Variants in YAP1 observed in about 807,000 individuals in gnomAD.
The protein encoded by YAP1 is Yes1 associated transcriptional regulator, also known as transcriptional coactivator YAP1.
In YAP1, 5 loss-of-function variants were observed where a neutral mutation model predicts 56.9. The observed-to-expected ratio is 0.09, with a 90% CI of 0.05 to 0.18. The LOEUF (loss-of-function observed/expected upper bound fraction) is 0.18. Among genes scored for constraint, YAP1 ranks in the 10% least tolerant of loss-of-function variants. YAP1 has a pLI of 1.00. For synonymous variants in YAP1, 265 were observed against 248.1 expected, an observed-to-expected ratio of 1.07 and a Z score of -0.64; for missense variants, 539 against 651.8, an observed-to-expected ratio of 0.83 and a Z score of 1.88.
chr11:102,185,950 C>A (rs1283430123), intron 3 of YAP1, 68 bp from the exon 4 acceptor site: 11 of 1,421,708 alleles, frequency 7.7e-6, no homozygotes, highest in Non-Finnish European at 9.4e-6. Flanking sequence ...AAATTAGTAC[C>A]CCCTCCCACT....
In YAP1 at chr11:102,188,559, CTG is replaced by C. The variant is rs1948109049; in HGVS notation, c.802+2432_802+2433del. Among the ~76,000 whole-genome samples the C allele has an allele frequency of 2.0e-5, 3 of 152,192 alleles. 1 individual carries two copies. The highest frequency in any genetic ancestry group is 4.1e-4 in the South Asian group (2 of 4,832). On this transcript the variant is annotated intron_variant, in intron 4 of 8. Transcript: ENST00000282441. ...GTCGTGGTCCTATATGATTCTAATA[CTG>C]TGTTTTTACTGTAACTTTTCTATGT...
chr11:102,201,039 T>C (rs1373926352), intron 4 of YAP1, among the ~76,000 whole-genome samples: 1 of 152,206 alleles, frequency 6.6e-6, no homozygotes, highest in African/African-American at 2.4e-5. Context: ...AAATTATTTA[T>C]GCTTTCAACA....
At chr11:102,166,852 C>G (rs1467708534) in intron 3 of YAP1, among the ~76,000 whole-genome samples, 2 of 152,126 alleles carry the variant, frequency 1.3e-5, no homozygotes, top group Non-Finnish European at 2.9e-5. Context: ...GATCTTGTTC[C>G]TCATCCAACT....
At chr11:102,121,554 C>G (rs900785111) in intron 2 of YAP1, among the ~76,000 whole-genome samples, 2 of 152,182 alleles carry the variant, frequency 1.3e-5, no homozygotes, top group Admixed American at 1.3e-4. Flanking sequence ...TGTGAATCCT[C>G]TCTTTGGTCA....
At chr11:102,136,347 C>CTTTTT (rs549818441) in intron 2 of YAP1, among the ~76,000 whole-genome samples, 1 of 142,066 alleles carries the variant, frequency 7.0e-6, no homozygotes. Flanking sequence ...GCCATTTTTC[C>CTTTTT]TTTTTTTTTT....
At chr11:102,115,569 C>CT (rs1368636629) in intron 2 of YAP1, among the ~76,000 whole-genome samples, 3 of 151,456 alleles carry the variant, frequency 2.0e-5, no homozygotes, top group African/African-American at 7.3e-5. Context: ...TTTTTGCCCC[C>CT]TTTCCTGCAA....
chr11:102,141,026 TG>T (rs1300005825), intron 2 of YAP1, among the ~76,000 whole-genome samples: 30 of 152,290 alleles, frequency 2.0e-4, no homozygotes, highest in African/African-American at 7.2e-4. Flanking sequence ...GGTCCTTAGA[TG>T]TTGTTGCCTC....
At chr11:102,155,851 C>T (rs1466409715) in intron 2 of YAP1, among the ~76,000 whole-genome samples, 1 of 152,188 alleles carries the variant, frequency 6.6e-6, no homozygotes, top group African/African-American at 2.4e-5. Context: ...TCGTATGAGC[C>T]AGCCGACTGA....
intron 2 of YAP1, among the ~76,000 whole-genome samples, chr11:102,144,957 C>G (rs1188542131): frequency 1.3e-5 from 2 of 152,106 alleles, no homozygotes; most frequent in Non-Finnish European, 2.9e-5. Flanking sequence ...CCCTCCCTCT[C>G]AGCTATTTCT....
chr11:102,132,881 C>T (rs558684559), intron 2 of YAP1, among the ~76,000 whole-genome samples: 35 of 152,242 alleles, frequency 2.3e-4, no homozygotes, highest in African/African-American at 6.5e-4. Flanking sequence ...CATAGGGGCC[C>T]GGCATAGTGG....
intron 3 of YAP1, among the ~76,000 whole-genome samples, chr11:102,178,873 C>A (rs1947421240): frequency 6.6e-6 from 1 of 152,170 alleles, no homozygotes; most frequent in Admixed American, 6.5e-5. Flanking sequence ...TGGTGAGGAC[C>A]TCAGGAAGCT....
At position 102,206,074 on chromosome 11, in the gene YAP1, G is replaced by A; in HGVS notation, c.984G>A (p.Gln328=). ...LRLKQQELLR[Q]AMRNINPSTA... The stretch of plus-strand genomic sequence containing the variant: ...TGAAACAGCAAGAACTGCTTCGGCA[G>A]GTGAGGCCACAGGTTAGAAACCAGC... The change falls in exon 5 of 9, where the codon CAG becomes CAA. Residue 328 remains glutamine, a splice_region_variant and synonymous_variant. Transcript: ENST00000282441. 6.2e-7 allele frequency: 1 copy of A among 1,612,728 alleles called. No individual in the cohort carries two copies. The highest frequency in any genetic ancestry group is 8.5e-7 in the Non-Finnish European group (1 of 1,179,016).
intron 2 of YAP1, among the ~76,000 whole-genome samples, chr11:102,161,345 TACAC>T (rs34552492): frequency 0.25 from 35,071 of 140,970 alleles, 4,194 homozygotes; most frequent in African/African-American, 0.26. Flanking sequence ...GTACTTTCAC[TACAC>T]ACACACACAC....
intron 4 of YAP1, among the ~76,000 whole-genome samples, chr11:102,196,770 T>C (rs548325477): frequency 7.2e-4 from 109 of 152,220 alleles, no homozygotes; most frequent in African/African-American, 2.6e-3. Context: ...AAATTATTTC[T>C]AGGCATGATG....
At chr11:102,148,720 G>A (rs989296952) in intron 2 of YAP1, among the ~76,000 whole-genome samples, 2 of 152,124 alleles carry the variant, frequency 1.3e-5, no homozygotes, top group Admixed American at 1.3e-4. Context: ...CCTTCTGTCT[G>A]TTCTTGGTCA....
intron 2 of YAP1, among the ~76,000 whole-genome samples, chr11:102,117,497 TAAGA>T (rs924906168): frequency 1.3e-5 from 2 of 152,200 alleles, no homozygotes; most frequent in Non-Finnish European, 2.9e-5. Context: ...TTAGAAATGT[TAAGA>T]AACAACCCAG....
intron 4 of YAP1, among the ~76,000 whole-genome samples, chr11:102,199,208 A>G (rs1429890947): frequency 6.6e-6 from 1 of 152,184 alleles, no homozygotes; most frequent in Non-Finnish European, 1.5e-5. Flanking sequence ...TCAAATGGAG[A>G]TGTCAGTATT....
intron 2 of YAP1, among the ~76,000 whole-genome samples, chr11:102,123,665 A>T (rs1943837291): frequency 7.5e-6 from 1 of 133,726 alleles, no homozygotes; most frequent in African/African-American, 2.8e-5. Flanking sequence ...TTCGAGACAC[A>T]GTCTTGCTCT....
intron 2 of YAP1, among the ~76,000 whole-genome samples, chr11:102,161,695 CAATG>C (rs978839643): frequency 5.3e-5 from 8 of 152,012 alleles, no homozygotes; most frequent in Non-Finnish European, 1.0e-4. Flanking sequence ...TTCATTGAAA[CAATG>C]AAACTTTGCT....
Sources: gnomAD v4.1 joint callset for allele counts (sites outside exome capture counted in the v4.1 genomes callset) on GRCh38, gnomAD v4.1.1 for gene constraint, MANE v1.5 for transcripts, NCBI Gene and HGNC (gene_info 2026-07-23, HGNC 2026-07-21) for gene names.